The following DYNC2H1 variants were observed in gnomAD, a reference collection of about 807,000 sequenced individuals.
DYNC2H1 encodes dynein cytoplasmic 2 heavy chain 1.
DYNC2H1 carries 410 observed loss-of-function variants against 570.0 expected under a neutral mutation model. The ratio of observed to expected loss-of-function variants is 0.72; its 90% CI spans 0.66 to 0.78. DYNC2H1 has a LOEUF of 0.78. Among genes scored for constraint, DYNC2H1 ranks in the 30% least tolerant of loss-of-function variants. The pLI is 0.00. For synonymous variants in DYNC2H1, 1,688 were observed against 1,677.6 expected, an observed-to-expected ratio of 1.01 and a Z score of -0.15; for missense variants, 4,865 against 5,046.4, an observed-to-expected ratio of 0.96 and a Z score of 1.09.
At chr11:103,459,440 T>C (rs1944925161) in intron 87 of DYNC2H1, among the ~76,000 whole-genome samples, 1 of 152,100 alleles carries the variant, frequency 6.6e-6, no homozygotes. Context: ...CTTATTCTAG[T>C]AGAATGTAAG....
At chr11:103,459,863 A>T (rs1047330265) in intron 87 of DYNC2H1, among the ~76,000 whole-genome samples, 5 of 148,696 alleles carry the variant, frequency 3.4e-5, no homozygotes, top group Non-Finnish European at 5.9e-5. Context: ...GAGGCAGGAG[A>T]ATGGCGTGAA....
chr11:103,164,308 G>T (rs1333823852), intron 30 of DYNC2H1, among the ~76,000 whole-genome samples: 1 of 152,150 alleles, frequency 6.6e-6, no homozygotes, highest in East Asian at 1.9e-4. Flanking sequence ...CTTACCTCCA[G>T]GCCCTTGAGC....
chr11:103,338,889 T>C (rs1939295803), intron 82 of DYNC2H1, among the ~76,000 whole-genome samples: 1 of 152,182 alleles, frequency 6.6e-6, no homozygotes, highest in Non-Finnish European at 1.5e-5. Flanking sequence ...ACATTCATCA[T>C]TGTCTGGGCA....
intron 83 of DYNC2H1, among the ~76,000 whole-genome samples, chr11:103,368,106 C>T (rs992865733): frequency 1.6e-4 from 25 of 152,104 alleles, no homozygotes; most frequent in African/African-American, 6.0e-4. Flanking sequence ...ATACTAATTT[C>T]ATTTCCTTTG....
chr11:103,144,197 C>G (rs1378476473), intron 18 of DYNC2H1, among the ~76,000 whole-genome samples: 2 of 152,156 alleles, frequency 1.3e-5, no homozygotes, highest in African/African-American at 4.8e-5. Flanking sequence ...CTGTTACCAG[C>G]TGTATGACTG....
chr11:103,276,555 G>T (rs1470014650), intron 70 of DYNC2H1, among the ~76,000 whole-genome samples: 1 of 151,758 alleles, frequency 6.6e-6, no homozygotes, highest in Non-Finnish European at 1.5e-5. Context: ...TAGAAAATTT[G>T]CAAAATACAC....
At chr11:103,378,767 A>G (rs1201768280) in intron 83 of DYNC2H1, among the ~76,000 whole-genome samples, 1 of 152,202 alleles carries the variant, frequency 6.6e-6, no homozygotes, top group Non-Finnish European at 1.5e-5. Context: ...TAGTAGACTG[A>G]TAGTGTAGCT....
chr11:103,424,302 A>G (rs1157795862), intron 84 of DYNC2H1, among the ~76,000 whole-genome samples: 1 of 152,140 alleles, frequency 6.6e-6, no homozygotes, highest in African/African-American at 2.4e-5. Context: ...CCTGCACACT[A>G]GCTTGATTGG....
intron 84 of DYNC2H1, chr11:103,403,979 C>A (rs1362458602): frequency 6.6e-6 from 1 of 151,908 alleles, no homozygotes; most frequent in Non-Finnish European, 1.5e-5. Context: ...ATAGTTCAGA[C>A]AGTCTCGATT....
chr11:103,324,278 T>A lies in DYNC2H1; in HGVS notation c.12039+288T>A, dbSNP rs1410331865. Among the ~76,000 whole-genome samples the A allele has an allele frequency of 6.6e-6, 1 of 152,194 alleles. No individual in the cohort carries two copies. The highest frequency in any genetic ancestry group is 2.4e-5 in the African/African-American group (1 of 41,440). On this transcript the variant is annotated intron_variant, in intron 82 of 88. Transcript: ENST00000375735. The surrounding 1 kb of genome is among the most constrained non-coding windows in gnomAD (Gnocchi z 5.2). ...ACAGATTATTTTATCACGTAGGTAA[T>A]AAGTATAGTGCCCAACAGGTAATTT...
chr11:103,297,431 A>G (rs1162803725), intron 75 of DYNC2H1, among the ~76,000 whole-genome samples: 1 of 152,140 alleles, frequency 6.6e-6, no homozygotes, highest in East Asian at 1.9e-4. Flanking sequence ...ATTCTAAGAA[A>G]TGTGTCAGGC....
intron 13 of DYNC2H1, among the ~76,000 whole-genome samples, chr11:103,131,322 C>T (rs908324251): frequency 6.6e-6 from 1 of 151,792 alleles, no homozygotes; most frequent in Middle Eastern, 3.2e-3. Flanking sequence ...GAGATGGAGT[C>T]TAGCTCTGTC....
chr11:103,211,709 A>G (rs1360822160), intron 53 of DYNC2H1, 80 bp from the exon 54 acceptor site: 1 of 582,688 alleles, frequency 1.7e-6, no homozygotes, highest in East Asian at 3.2e-5. Flanking sequence ...TGTATAAAAT[A>G]ACTATCATTA....
rs1938347979 is a variant in DYNC2H1 at position 103,324,052 on chromosome 11, T to A, written c.12039+62T>A. 14 of 1,261,914 alleles carry A rather than the reference T, an allele frequency of 1.1e-5. No homozygotes were observed. The highest frequency in any genetic ancestry group is 1.5e-5 in the Non-Finnish European group (14 of 932,446). 78.2% of individuals were successfully genotyped at this position (1,261,914 alleles called of 1,614,324 possible). ...GCTAGTGAGCCTGAAGGAGACAAAA[T>A]TAAACTTGATTTAGTACTGTAGACC... On this transcript the variant is annotated intron_variant, in intron 82 of 88. Coordinates refer to ENST00000375735, the MANE Select transcript of DYNC2H1 (RefSeq NM_001377.3). This position sits in a 1 kb window ranked among gnomAD's most constrained non-coding sequence, Gnocchi z 5.2.
chr11:103,128,734 C>T (rs1859121442), intron 12 of DYNC2H1, among the ~76,000 whole-genome samples, 176 bp from the exon 13 acceptor site: 1 of 152,158 alleles, frequency 6.6e-6, no homozygotes. Flanking sequence ...GAACTCAACA[C>T]TTACTTGTTG....
chr11:103,286,411 C>A, intron 74 of DYNC2H1, 25 bp downstream of exon 74: 2 of 1,595,444 alleles, frequency 1.3e-6, no homozygotes, highest in Non-Finnish European at 1.7e-6. Context: ...TATCTAAATG[C>A]AAAAAAGTGT....
chr11:103,158,927 C>T lies in DYNC2H1; in HGVS notation c.4278C>T (p.Phe1426=). ...TTTATTAGGAAAAACGCTCAGCATT[C>T]CCAAGATTTTATTTTATTGGTGATG... is the stretch of plus-strand genomic sequence containing the variant. ...NEFLEEKRSA[F]PRFYFIGDDD... Residue 1426 remains phenylalanine, a synonymous_variant, in exon 28 of 89, where the codon TTC becomes TTT. Coordinates refer to ENST00000375735, the MANE Select transcript of DYNC2H1 (RefSeq NM_001377.3). 1.2e-6 allele frequency: 2 copies of T among 1,609,144 alleles called. No homozygotes were observed. The highest frequency in any genetic ancestry group is 1.7e-6 in the Non-Finnish European group (2 of 1,178,666).
intron 83 of DYNC2H1, among the ~76,000 whole-genome samples, chr11:103,389,603 G>A (rs1400235403): frequency 2.6e-5 from 4 of 151,826 alleles, no homozygotes; most frequent in South Asian, 2.1e-4. Context: ...TGTCAATTTT[G>A]GATCTTTCCT....
At chr11:103,321,459 C>T (rs1190984562) in intron 81 of DYNC2H1, among the ~76,000 whole-genome samples, 1 of 151,940 alleles carries the variant, frequency 6.6e-6, no homozygotes, top group Non-Finnish European at 1.5e-5. Flanking sequence ...TAATAATAGG[C>T]TGGTATATAG....
Sources: gnomAD v4.1 joint callset for allele counts (sites outside exome capture counted in the v4.1 genomes callset) on GRCh38, gnomAD v4.1.1 for gene constraint, Gnocchi (gnomAD v3.1) non-coding constraint, MANE v1.5 for transcripts, NCBI Gene and HGNC (gene_info 2026-07-23, HGNC 2026-07-21) for gene names.